The following CEP290 variants were observed in gnomAD, a reference collection of about 807,000 sequenced individuals.
CEP290 encodes the protein centrosomal protein 290, also known as centrosomal protein of 290 kDa.
In CEP290, 317 loss-of-function variants were observed where a neutral mutation model predicts 344.9. That is an observed-to-expected ratio of 0.92 (90% CI 0.84 to 1.01). The LOEUF is 1.01. CEP290 is among the 50% of genes least tolerant of loss of function. The probability of loss-of-function intolerance (pLI) is 0.00; values close to 1 mark genes in which losing one functional copy is unlikely to be tolerated. For synonymous variants in CEP290, 932 were observed against 895.8 expected, an observed-to-expected ratio of 1.04 and a Z score of -0.72; for missense variants, 2,754 against 2,761.4, an observed-to-expected ratio of 1.00 and a Z score of 0.06.
At chr12:88,099,472 A>G (rs2037710211) in intron 26 of CEP290, among the ~76,000 whole-genome samples, 3 of 152,172 alleles carry the variant, frequency 2.0e-5, no homozygotes, top group Non-Finnish European at 4.4e-5. Flanking sequence ...TTTTATTTGA[A>G]AAAACAGAAT....
intron 29 of CEP290, 139 bp downstream of exon 29, chr12:88,092,542 A>G (rs539903642): frequency 1.6e-5 from 10 of 615,220 alleles, no homozygotes; most frequent in Non-Finnish European, 2.6e-5. Flanking sequence ...ACCGATCTTA[A>G]TATTACTTAA....
At chr12:88,110,839 C>G (rs1280500720) in intron 22 of CEP290, among the ~76,000 whole-genome samples, 1 of 152,202 alleles carries the variant, frequency 6.6e-6, no homozygotes, top group Non-Finnish European at 1.5e-5. Context: ...TTACTTAACA[C>G]TGCTTTATAA....
At chr12:88,106,615 A>C in intron 25 of CEP290, 60 bp downstream of exon 25, 1 of 1,068,756 alleles carries the variant, frequency 9.4e-7, no homozygotes, top group Non-Finnish European at 1.4e-6. Flanking sequence ...ATACCATCCT[A>C]TCTTCTGCAT....
chr12:88,096,050 ATTTT>A (rs72194586), intron 27 of CEP290, among the ~76,000 whole-genome samples: 77,730 of 150,126 alleles, frequency 0.52, 22,329 homozygotes, highest in Middle Eastern at 0.72. Context: ...AATAAAACAA[ATTTT>A]TTTTTTTTTT....
Position 88,058,963 on chromosome 12 carries a change from C to T in CEP290, c.6703G>A (p.Glu2235Lys). 6.2e-7 allele frequency: 1 copy of T among 1,613,406 alleles called. No individual in the cohort carries two copies. Among genetic ancestry groups the T allele is most frequent in the South Asian group, 1.1e-5 (1 of 90,934 alleles). Residue 2235 changes from glutamate (E) to lysine (K), a missense_variant, in exon 49 of 54, where the codon GAG becomes AAG. Coordinates refer to ENST00000552810, the MANE Select transcript of CEP290 (RefSeq NM_025114.4). Reference sequence around the variant, plus strand: ...TCTTCTAGTTGAACTGTCATCTTCTCATTTAATATCTCTAAATTATTCTTT... The same window carrying T: ...TCTTCTAGTTGAACTGTCATCTTCTTATTTAATATCTCTAAATTATTCTTT... Reference protein sequence around the residue: ...IAKNNLEILNEKMTVQLEETG... With the variant: ...IAKNNLEILNKKMTVQLEETG...
Position 88,061,007 on chromosome 12 carries a change from A to C in CEP290, c.6358-13T>G, listed in dbSNP as rs1355948965. The C allele has an allele frequency of 2.6e-6, 4 of 1,521,544 alleles. No individual in the cohort carries two copies. Among genetic ancestry groups the C allele is most frequent in the Non-Finnish European group, 3.5e-6 (4 of 1,133,784 alleles). 94.3% of individuals were successfully genotyped at this position (1,521,544 alleles called of 1,614,324 possible). On this transcript the variant is annotated splice_polypyrimidine_tract_variant and intron_variant, in intron 46 of 53. Transcript: ENST00000552810. ...CACTTCTACCAGACTACGAAAGAAT[A>C]TGTTAAATCTTTAATCAAATATTTT... is the stretch of plus-strand genomic sequence containing the variant.
intron 33 of CEP290, 95 bp from the exon 34 acceptor site, chr12:88,086,268 CCT>C: frequency 1.4e-6 from 2 of 1,472,808 alleles, no homozygotes; most frequent in South Asian, 1.3e-5. Flanking sequence ...AGATTAAACC[CCT>C]CTTATATTTT....
chr12:88,141,300 G>T lies in CEP290; in HGVS notation c.8C>A (p.Pro3His). The T allele has an allele frequency of 6.2e-7, 1 of 1,609,582 alleles. No individual in the cohort carries two copies. Among genetic ancestry groups the T allele is most frequent in the Non-Finnish European group, 8.5e-7 (1 of 1,177,836 alleles). ...CATTATTTCTTTCCAGTTTATATTA[G>T]GTGGCATCTTGAATTCTTTCACTGT... MP[P>H]NINWKEIMKV... Residue 3 changes from proline to histidine, a missense_variant, in exon 2 of 54, where the codon CCT becomes CAT. Coordinates refer to ENST00000552810, the MANE Select transcript of CEP290 (RefSeq NM_025114.4).
At chr12:88,116,298 ATC>A (rs1179540146) in intron 18 of CEP290, among the ~76,000 whole-genome samples, 3 of 152,172 alleles carry the variant, frequency 2.0e-5, no homozygotes, top group Non-Finnish European at 2.9e-5. Context: ...TGCTTTAAAA[ATC>A]TCTCTTATTG....
chr12:88,065,653 A>T (rs2034863881), intron 44 of CEP290, among the ~76,000 whole-genome samples: 1 of 152,168 alleles, frequency 6.6e-6, no homozygotes, highest in African/African-American at 2.4e-5. Flanking sequence ...GCAAATGATA[A>T]ACACCTATTA....
intron 6 of CEP290, among the ~76,000 whole-genome samples, chr12:88,132,761 A>G (rs948471704): frequency 1.3e-5 from 2 of 152,194 alleles, no homozygotes; most frequent in African/African-American, 4.8e-5. Flanking sequence ...TCTGGGGTAC[A>G]TGTGTAAGAT....
chr12:88,097,216 G>A (rs1460050122), intron 26 of CEP290, among the ~76,000 whole-genome samples: 2 of 152,036 alleles, frequency 1.3e-5, no homozygotes, highest in African/African-American at 4.8e-5. Flanking sequence ...TGGTTTGGCT[G>A]TGTCCCTACC....
At chr12:88,081,006 T>C (rs2036160894) in intron 37 of CEP290, among the ~76,000 whole-genome samples, 1 of 152,216 alleles carries the variant, frequency 6.6e-6, no homozygotes, top group Admixed American at 6.5e-5. Flanking sequence ...ATTTTAAATA[T>C]TATGGCTCTT....
At chr12:88,082,598 G>A (rs1246692085) in intron 37 of CEP290, among the ~76,000 whole-genome samples, 1 of 152,066 alleles carries the variant, frequency 6.6e-6, no homozygotes, top group Non-Finnish European at 1.5e-5. Context: ...GCAGGCTGAG[G>A]TGGGAAGATG....
In CEP290 at chr12:88,077,710, G is replaced by C. The variant is rs761261059; in HGVS notation, c.5573C>G (p.Thr1858Ser). The change falls in exon 40 of 54, where the codon ACC becomes AGC. Residue 1858 changes from threonine (T) to serine (S), a missense_variant. Transcript: ENST00000552810. ...ATATAAAATTACCTGTAATCCACTG[G>C]TTAGTCTTTTAATTTGCCTTTTCAG... Reference protein sequence around the residue: ...DELKRQIKRLTSGLQGKPLTD... With the variant: ...DELKRQIKRLSSGLQGKPLTD... 9 of 1,547,176 alleles carry C rather than the reference G, an allele frequency of 5.8e-6. No homozygotes were observed. The South Asian group carries it at 8.5e-5, about 15-fold the overall frequency.
Position 88,084,667 on chromosome 12 carries a change from G to T in CEP290, c.4623C>A (p.Thr1541=). The T allele has an allele frequency of 6.2e-7, 1 of 1,613,572 alleles. No homozygotes were observed. The highest frequency in any genetic ancestry group is 1.1e-5 in the South Asian group (1 of 91,074). ...TTAACCTTGCTTGCATGTTTGCAAT[G>T]GTTTGATGAGCAATTTTCAATGTGT... ...SHHTLKIAHQ[T]IANMQARLNQ... is the part of the protein sequence containing the mutation. The change falls in exon 35 of 54, where the codon ACC becomes ACA. Residue 1541 remains threonine (T), a synonymous_variant. Transcript: ENST00000552810.
At chr12:88,079,891 A>T (rs980126462) in intron 38 of CEP290, among the ~76,000 whole-genome samples, 1 of 152,108 alleles carries the variant, frequency 6.6e-6, no homozygotes, top group Non-Finnish European at 1.5e-5. Flanking sequence ...AAAAGAAAAT[A>T]CAATGTAATA....
Position 88,107,035 on chromosome 12 carries a change from A to G in CEP290, c.2547T>C (p.Asp849=), listed in dbSNP as rs1417219342. The change falls in exon 24 of 54, where the codon GAT becomes GAC. Residue 849 remains aspartate (D), a synonymous_variant. Coordinates refer to ENST00000552810, the MANE Select transcript of CEP290 (RefSeq NM_025114.4). ...TIKEEKRKLE[D]QVQQDAIKVK... ...CTTTTATAGCATCTTGTTGGACTTG[A>G]TCCTCAAGTTTTCTCTTTTCCTCTT... 11 of 1,554,648 alleles carry G rather than the reference A, an allele frequency of 7.1e-6. No homozygotes were observed. The highest frequency in any genetic ancestry group is 1.7e-4 in the Middle Eastern group (1 of 5,826).
chr12:88,117,272 C>T (rs987412491), intron 17 of CEP290, 127 bp from the exon 18 acceptor site: 5 of 551,426 alleles, frequency 9.1e-6, no homozygotes, highest in African/African-American at 5.9e-5. Flanking sequence ...CAAAATCCCT[C>T]CAAAATTCTA....
Sources: gnomAD v4.1 joint callset for allele counts (sites outside exome capture counted in the v4.1 genomes callset) on GRCh38, gnomAD v4.1.1 for gene constraint, MANE v1.5 for transcripts, NCBI Gene and HGNC (gene_info 2026-07-23, HGNC 2026-07-21) for gene names.